Variants in MACROD2 observed in about 807,000 individuals in gnomAD.
MACROD2 encodes the protein ADP-ribose glycohydrolase MACROD2.
MACROD2 carries 36 observed loss-of-function variants against 70.4 expected under a neutral mutation model. The ratio of observed to expected loss-of-function variants is 0.51; its 90% CI spans 0.39 to 0.68. The LOEUF is 0.68. MACROD2 is among the 30% of genes least tolerant of loss of function. MACROD2 has a pLI of 0.00. For synonymous variants in MACROD2, 172 were observed against 178.8 expected (o/e 0.96, Z 0.30); for missense variants, 496 against 538.4 (o/e 0.92, Z 0.78).
chr20:15,713,564 G>A (rs1018559621), intron 8 of MACROD2, among the ~76,000 whole-genome samples: 1 of 151,970 alleles, frequency 6.6e-6, no homozygotes, highest in Admixed American at 6.6e-5. Flanking sequence ...AGAAAGAGGA[G>A]GTGCTACACA....
intron 8 of MACROD2, among the ~76,000 whole-genome samples, chr20:15,653,296 T>C (rs1337910846): frequency 6.6e-6 from 1 of 152,204 alleles, no homozygotes; most frequent in East Asian, 1.9e-4. Flanking sequence ...TCGTGGATGA[T>C]ACAAAGATGA....
At chr20:14,058,316 C>T (rs1052900948) in intron 2 of MACROD2, among the ~76,000 whole-genome samples, 3 of 151,908 alleles carry the variant, frequency 2.0e-5, no homozygotes, top group Admixed American at 1.3e-4. Flanking sequence ...AACTTAATCA[C>T]GATTGTATTA....
rs33993940 is a variant in MACROD2, at chr20:15,846,911, T to TTATATA, written c.646-15798_646-15793dup. On this transcript the variant is annotated intron_variant, in intron 8 of 17. Coordinates refer to ENST00000684519, the MANE Select transcript of MACROD2 (RefSeq NM_001351661.2). ...GACCTTGACATAGTCAAAAAAAAAA[T>TTATATA]TATATATATATATATATATATATAT... Among the ~76,000 whole-genome samples, 908 of 137,444 alleles carry TTATATA rather than the reference T, an allele frequency of 6.6e-3. 17 individuals carry two copies. Among genetic ancestry groups the TTATATA allele is most frequent in the East Asian group, 0.018 (71 of 4,012 alleles). The allele number at this position is 137,444 out of a possible 152,430, so 90.2% of individuals were successfully genotyped here. A position where few individuals can be genotyped will look rare whatever the true frequency, so the allele number is the denominator to read the frequency against.
At chr20:15,704,696 G>T (rs6043464) in intron 8 of MACROD2, among the ~76,000 whole-genome samples, 1 of 151,840 alleles carries the variant, frequency 6.6e-6, no homozygotes, top group South Asian at 2.1e-4. Context: ...GAGTAGCAAG[G>T]TGCTAGAAGA....
At chr20:14,166,344 T>C (rs1569187194) in intron 3 of MACROD2, among the ~76,000 whole-genome samples, 1 of 151,116 alleles carries the variant, frequency 6.6e-6, no homozygotes, top group African/African-American at 2.4e-5. Flanking sequence ...TGTGTGTGTG[T>C]TGTGTGTGTG....
intron 6 of MACROD2, among the ~76,000 whole-genome samples, chr20:15,271,700 T>G (rs1370102268): frequency 6.6e-6 from 1 of 152,186 alleles, no homozygotes; most frequent in Non-Finnish European, 1.5e-5. Flanking sequence ...GAACCCTACA[T>G]TTCTACACAA....
At chr20:15,714,694 G>A (rs898838908) in intron 8 of MACROD2, among the ~76,000 whole-genome samples, 7 of 152,044 alleles carry the variant, frequency 4.6e-5, no homozygotes, top group African/African-American at 1.7e-4. Flanking sequence ...ACAAACTTGT[G>A]CCATATACTT....
intron 3 of MACROD2, among the ~76,000 whole-genome samples, chr20:14,391,170 C>T (rs923238704): frequency 2.6e-5 from 4 of 152,160 alleles, no homozygotes; most frequent in African/African-American, 9.7e-5. Flanking sequence ...GATACATGCA[C>T]ATGTATGTTC....
intron 5 of MACROD2, among the ~76,000 whole-genome samples, chr20:14,866,081 C>T (rs1432954784): frequency 6.6e-6 from 1 of 151,900 alleles, no homozygotes; most frequent in African/African-American, 2.4e-5. Context: ...ATGATAGGCA[C>T]AAAATGACTA....
chr20:14,850,351 A>G (rs1568832235), intron 5 of MACROD2: 1 of 157,902 alleles, frequency 6.3e-6, no homozygotes, highest in Non-Finnish European at 1.4e-5. Context: ...AATGCAAATC[A>G]GTTGAGGTGG....
chr20:14,840,033 C>CTTTTTTTTTTTTTTTTTTTT (rs71190154), intron 5 of MACROD2, among the ~76,000 whole-genome samples: 2 of 142,492 alleles, frequency 1.4e-5, no homozygotes, highest in Non-Finnish European at 3.0e-5. Context: ...GTCTCCATGT[C>CTTTTTTTTTTTTTTTTTTTT]TTTTTTTTTT....
intron 8 of MACROD2, among the ~76,000 whole-genome samples, chr20:15,856,879 A>G (rs1471970447): frequency 6.6e-6 from 1 of 152,242 alleles, no homozygotes; most frequent in African/African-American, 2.4e-5. Flanking sequence ...AACTTTAGGA[A>G]GTTAACCAAG....
intron 5 of MACROD2, among the ~76,000 whole-genome samples, chr20:15,061,350 C>T (rs2075531082): frequency 6.6e-6 from 1 of 152,142 alleles, no homozygotes. Flanking sequence ...GTGTTCATGC[C>T]CTTGGTGGCA....
At chr20:14,913,648 C>G (rs1266861564) in intron 5 of MACROD2, among the ~76,000 whole-genome samples, 4 of 152,178 alleles carry the variant, frequency 2.6e-5, no homozygotes, top group Non-Finnish European at 4.4e-5. Context: ...GATCACATCA[C>G]TGCATTCTTG....
intron 5 of MACROD2, among the ~76,000 whole-genome samples, chr20:15,137,842 T>TA (rs1379940604): frequency 6.6e-6 from 1 of 152,144 alleles, no homozygotes; most frequent in Non-Finnish European, 1.5e-5. Context: ...GAAACAGAAG[T>TA]AAAATTAAAT....
chr20:14,705,556 G>A (rs1412077637), intron 5 of MACROD2, among the ~76,000 whole-genome samples: 1 of 152,026 alleles, frequency 6.6e-6, no homozygotes, highest in Non-Finnish European at 1.5e-5. Context: ...CCTCCTGAGG[G>A]CCTGAAAATC....
At chr20:14,819,010 A>C (rs987621155) in intron 5 of MACROD2, among the ~76,000 whole-genome samples, 1 of 151,804 alleles carries the variant, frequency 6.6e-6, no homozygotes, top group South Asian at 2.1e-4. Flanking sequence ...CATGCCTGCA[A>C]TCCCAGCACT....
intron 8 of MACROD2, among the ~76,000 whole-genome samples, chr20:15,502,102 G>A (rs554721628): frequency 6.6e-6 from 1 of 152,122 alleles, no homozygotes; most frequent in Non-Finnish European, 1.5e-5. Flanking sequence ...AATTATGTTT[G>A]CTTAACATAA....
chr20:14,147,485 A>G (rs1203057178), intron 3 of MACROD2, among the ~76,000 whole-genome samples: 1 of 152,176 alleles, frequency 6.6e-6, no homozygotes, highest in African/African-American at 2.4e-5. Flanking sequence ...TCATTATTTA[A>G]ATTATACTCT....
Sources: allele counts gnomAD v4.1 joint callset (sites outside exome capture counted in the v4.1 genomes callset), GRCh38; gene constraint gnomAD v4.1.1; transcripts MANE v1.5; gene names NCBI Gene and HGNC (gene_info 2026-07-23, HGNC 2026-07-21).